IK: variants seen among roughly 807,000 people sequenced by gnomAD.
The protein encoded by IK is protein Red.
A neutral mutation model predicts 90.9 loss-of-function variants in IK; 47 were observed. That is an observed-to-expected ratio of 0.52 (90% confidence interval 0.41 to 0.66). IK has a LOEUF of 0.66. IK is among the 30% of genes least tolerant of loss of function. The probability of loss-of-function intolerance (pLI) is 0.00; values close to 1 mark genes in which losing one functional copy is unlikely to be tolerated. For synonymous variants in IK, 201 were observed against 227.5 expected (o/e 0.88, Z 1.05); for missense variants, 385 against 709.3 (o/e 0.54, Z 5.19).
intron 1 of IK, 39 bp downstream of exon 1, chr5:140,647,963 C>G (rs1397547312): frequency 3.1e-6 from 5 of 1,606,186 alleles, no homozygotes; most frequent in Non-Finnish European, 4.3e-6. Flanking sequence ...CCCCATGGCA[C>G]TTGGGGCACT....
At chr5:140,659,891 C>A in intron 14 of IK, 57 bp downstream of exon 14, 1 of 1,209,418 alleles carries the variant, frequency 8.3e-7, no homozygotes, top group Non-Finnish European at 1.2e-6. Flanking sequence ...TTTACTCCAA[C>A]CCCCCCTGCC....
intron 2 of IK, among the ~76,000 whole-genome samples, chr5:140,651,232 A>G (rs1374379492): frequency 6.6e-6 from 1 of 152,046 alleles, no homozygotes; most frequent in Admixed American, 6.6e-5. Context: ...TGGGCAGATC[A>G]CCTGAGGTCA....
chr5:140,654,183 A>G, intron 6 of IK, 131 bp downstream of exon 6: 2 of 645,542 alleles, frequency 3.1e-6, no homozygotes, highest in Non-Finnish European at 5.5e-6. Context: ...GGCCCCTCTG[A>G]AAAGCTGATT....
At chr5:140,651,895 C>A in intron 3 of IK, 89 bp downstream of exon 3, 2 of 903,652 alleles carry the variant, frequency 2.2e-6, no homozygotes, top group Non-Finnish European at 3.6e-6. Context: ...TTTTAATAGT[C>A]CCTCAGGTAT....
At chr5:140,648,829 G>T in intron 2 of IK, 1 of 377,082 alleles carries the variant, frequency 2.7e-6, no homozygotes, top group Non-Finnish European at 4.9e-6. Context: ...AGGAAATAAG[G>T]GTAAAATCAT....
chr5:140,658,499 T>C (rs1388474633), intron 10 of IK, among the ~76,000 whole-genome samples: 1 of 151,524 alleles, frequency 6.6e-6, no homozygotes, highest in Non-Finnish European at 1.5e-5. Context: ...TTTGTACTTT[T>C]AGTAGAGATG....
At chr5:140,655,388 G>T (rs1029158184) in intron 8 of IK, among the ~76,000 whole-genome samples, 1 of 152,180 alleles carries the variant, frequency 6.6e-6, no homozygotes, top group Non-Finnish European at 1.5e-5. Context: ...TGACTTTATT[G>T]TAGGGATGAA....
intron 16 of IK, 134 bp downstream of exon 16, chr5:140,660,949 C>T (rs1757794576): frequency 6.0e-6 from 4 of 665,170 alleles, no homozygotes; most frequent in South Asian, 5.5e-5. Flanking sequence ...GTAGAAACAG[C>T]AGCATTGAGG....
intron 15 of IK, 194 bp from the exon 16 acceptor site, chr5:140,660,564 C>T (rs961602562): frequency 1.1e-4 from 62 of 556,586 alleles, no homozygotes; most frequent in African/African-American, 8.7e-4. Flanking sequence ...TCCAAAAGTG[C>T]GGGGATTACA....
intron 2 of IK, among the ~76,000 whole-genome samples, chr5:140,649,321 G>T: frequency 6.7e-6 from 1 of 149,164 alleles, no homozygotes; most frequent in Middle Eastern, 3.2e-3. Flanking sequence ...CGGTTCTCCT[G>T]CCTCAGCCTC....
chr5:140,658,629 G>A (rs1293272914), intron 10 of IK, 108 bp from the exon 11 acceptor site: 31 of 974,482 alleles, frequency 3.2e-5, no homozygotes, highest in Admixed American at 8.1e-5. Flanking sequence ...CTTGACCCAC[G>A]TTTTAAACAG....
intron 9 of IK, among the ~76,000 whole-genome samples, chr5:140,656,197 T>G (rs970990018): frequency 2.0e-5 from 3 of 152,222 alleles, no homozygotes; most frequent in African/African-American, 7.2e-5. Flanking sequence ...AACTATTAAC[T>G]TACTATTTTT....
intron 1 of IK, 75 bp from the exon 2 acceptor site, chr5:140,648,396 T>G (rs1757533262): frequency 2.3e-6 from 3 of 1,309,726 alleles, no homozygotes; most frequent in Non-Finnish European, 3.3e-6. Context: ...TATTGTTCAC[T>G]ACTATATCTC....
At chr5:140,652,187 A>G in intron 4 of IK, 40 bp downstream of exon 4, 1 of 1,494,330 alleles carries the variant, frequency 6.7e-7, no homozygotes, top group Non-Finnish European at 9.3e-7. Flanking sequence ...TAAGGTGGAT[A>G]GTGTTTAGGG....
In IK at chr5:140,659,149, A is replaced by C; in HGVS notation, c.1161A>C (p.Pro387=). Residue 387 remains proline (P), a synonymous_variant, in exon 12 of 20, where the codon CCA becomes CCC. Transcript: ENST00000417647. ...EKKRHSYFEK[P]KVDDEPMDVD... Reference sequence around the variant, plus strand: ...AGAGACACAGCTACTTTGAGAAGCCAAAAGTAGATGATGAGGTGAGATGTG... The same window carrying C: ...AGAGACACAGCTACTTTGAGAAGCCCAAAGTAGATGATGAGGTGAGATGTG... The C allele has an allele frequency of 6.3e-7, 1 of 1,590,362 alleles. No homozygotes were observed. Among genetic ancestry groups the C allele is most frequent in the African/African-American group, 1.3e-5 (1 of 74,528 alleles).
intron 1 of IK, 80 bp downstream of exon 1, chr5:140,648,004 C>T (rs1426025997): frequency 2.6e-6 from 3 of 1,147,356 alleles, no homozygotes; most frequent in African/African-American, 3.4e-5. Context: ...TGAGCTTAAG[C>T]CGGGTGTGTG....
intron 5 of IK, 120 bp downstream of exon 5, chr5:140,653,264 T>C: frequency 1.3e-6 from 1 of 790,008 alleles, no homozygotes; most frequent in South Asian, 2.1e-5. Context: ...TCAGAGGCAT[T>C]TGCCACCCAC....
At position 140,660,785 on chromosome 5, in the gene IK, T is replaced by C; in HGVS notation, c.1383T>C (p.Asp461=). 2 of 1,613,754 alleles carry C rather than the reference T, an allele frequency of 1.2e-6. No individual in the cohort carries two copies. The highest frequency in any genetic ancestry group is 1.7e-6 in the Non-Finnish European group (2 of 1,179,670). ...ATMDDMAVDS[D]EEVDYSKMDQ... ...TGGATGACATGGCTGTGGATAGTGATGAGGAGGTGGATTATAGCAAAATGG... is the reference window on the plus strand; with the variant it reads ...TGGATGACATGGCTGTGGATAGTGACGAGGAGGTGGATTATAGCAAAATGG... Residue 461 remains aspartate, a synonymous_variant, in exon 16 of 20, where the codon GAT becomes GAC. Coordinates refer to ENST00000417647, the MANE Select transcript of IK (RefSeq NM_006083.4).
At chr5:140,651,403 C>T (rs1757613639) in intron 2 of IK, among the ~76,000 whole-genome samples, 1 of 148,398 alleles carries the variant, frequency 6.7e-6, no homozygotes, top group African/African-American at 2.5e-5. Flanking sequence ...CATGCCACTG[C>T]ACTCCAGCCG....
Sources: allele counts gnomAD v4.1 joint callset (sites outside exome capture counted in the v4.1 genomes callset), GRCh38; gene constraint gnomAD v4.1.1; transcripts MANE v1.5; gene names NCBI Gene and HGNC (gene_info 2026-07-23, HGNC 2026-07-21).